Variants in SGCG observed in about 807,000 individuals in gnomAD.
The protein encoded by SGCG is sarcoglycan gamma, also known as gamma-sarcoglycan.
In SGCG, 26 loss-of-function variants were observed where a neutral mutation model predicts 29.3. The observed-to-expected ratio is 0.89, with a 90% CI of 0.65 to 1.23. The LOEUF (loss-of-function observed/expected upper bound fraction) is 1.23. SGCG is among the 50% of genes most tolerant of loss of function. The pLI is 0.00. For synonymous variants in SGCG, 145 were observed against 129.7 expected (o/e 1.12, Z -0.80); for missense variants, 353 against 356.0 (o/e 0.99, Z 0.07).
chr13:23,246,906 C>T (rs2094559), intron 3 of SGCG: 30,843 of 155,626 alleles, frequency 0.2, 3,233 homozygotes, highest in South Asian at 0.32. Flanking sequence ...CCTGTTGAGC[C>T]ACTTTCCCAA....
intron 5 of SGCG, among the ~76,000 whole-genome samples, chr13:23,286,364 G>A (rs1159851405): frequency 3.3e-5 from 5 of 152,178 alleles, no homozygotes; most frequent in Non-Finnish European, 5.9e-5. Context: ...AAAAGACCAG[G>A]AAAGTTAGAT....
chr13:23,303,510 C>G (rs927633422), intron 6 of SGCG, among the ~76,000 whole-genome samples: 2 of 152,212 alleles, frequency 1.3e-5, no homozygotes, highest in Admixed American at 1.3e-4. Context: ...GCACGGGAAC[C>G]TCTGGGAGTG....
rs181682857 is a variant in SGCG, at chr13:23,228,521, G to A, written c.196-6090G>A. ...GTTATATAGGTAAACTCATGACTTGGGCATTTGGTTTACAGATTATTTCGT... is the reference window on the plus strand; with the variant it reads ...GTTATATAGGTAAACTCATGACTTGAGCATTTGGTTTACAGATTATTTCGT... On this transcript the variant is annotated intron_variant, in intron 2 of 7. Coordinates refer to ENST00000218867, the MANE Select transcript of SGCG (RefSeq NM_000231.3). 1.3e-4 allele frequency among the ~76,000 whole-genome samples: 20 copies of A among 152,092 alleles called. No individual in the cohort carries two copies. The East Asian group carries it at 3.7e-3, about 28-fold the overall frequency.
intron 3 of SGCG, among the ~76,000 whole-genome samples, chr13:23,238,490 T>C (rs1879391341): frequency 6.6e-6 from 1 of 152,062 alleles, no homozygotes; most frequent in Non-Finnish European, 1.5e-5. Flanking sequence ...TTCCCACCAG[T>C]CAGAGTGGAA....
intron 6 of SGCG, among the ~76,000 whole-genome samples, chr13:23,312,295 T>C (rs1402098222): frequency 3.9e-5 from 6 of 152,216 alleles, no homozygotes; most frequent in African/African-American, 1.2e-4. Flanking sequence ...CACAAGATGC[T>C]CAATGCCAGC....
At chr13:23,276,758 A>C (rs35134570) in intron 4 of SGCG, among the ~76,000 whole-genome samples, 12,951 of 152,212 alleles carry the variant, frequency 0.085, 722 homozygotes, top group South Asian at 0.15. Flanking sequence ...CTTTCTTCCA[A>C]ATCAGTTGCA....
chr13:23,163,333 T>G, the SGCG span, among the ~76,000 whole-genome samples: 1 of 152,172 alleles, frequency 6.6e-6, no homozygotes, highest in South Asian at 2.1e-4. Flanking sequence ...AAGAAAAGGG[T>G]AAAATGATAC....
At chr13:23,212,877 C>A (rs908646282) in intron 2 of SGCG, among the ~76,000 whole-genome samples, 1 of 152,164 alleles carries the variant, frequency 6.6e-6, no homozygotes, top group African/African-American at 2.4e-5. Flanking sequence ...TCAGGGAATA[C>A]AGCATGAGTA....
chr13:23,194,685 C>A (rs1877415096), intron 1 of SGCG, among the ~76,000 whole-genome samples: 1 of 152,154 alleles, frequency 6.6e-6, no homozygotes, highest in Non-Finnish European at 1.5e-5. Context: ...TAATGGTATT[C>A]ACCATGTCTG....
At chr13:23,162,231 C>A in the SGCG span, among the ~76,000 whole-genome samples, 1 of 152,274 alleles carries the variant, frequency 6.6e-6, no homozygotes, top group East Asian at 1.9e-4. Flanking sequence ...CATATATACA[C>A]ACACTATTAC....
intron 6 of SGCG, among the ~76,000 whole-genome samples, chr13:23,314,238 T>G (rs1317388107): frequency 6.7e-6 from 1 of 149,700 alleles, no homozygotes; most frequent in Non-Finnish European, 1.5e-5. Flanking sequence ...CACAGTTGAT[T>G]GGTGTATTAG....
At chr13:23,223,514 A>T (rs1209398109) in intron 2 of SGCG, among the ~76,000 whole-genome samples, 1 of 152,218 alleles carries the variant, frequency 6.6e-6, no homozygotes, top group Non-Finnish European at 1.5e-5. Context: ...CAACAGTGAA[A>T]ATGTATATAT....
At chr13:23,276,431 C>CTTTTTTTTTTTTTTTTTTTTT (rs71100165) in intron 4 of SGCG, among the ~76,000 whole-genome samples, 40 of 102,382 alleles carry the variant, frequency 3.9e-4, no homozygotes, top group Non-Finnish European at 5.1e-4. Context: ...TTTTAGTTTT[C>CTTTTTTTTTTTTTTTTTTTTT]TTTTTTTTTT....
At chr13:23,212,396 T>C (rs1216230838) in intron 2 of SGCG, among the ~76,000 whole-genome samples, 4 of 152,122 alleles carry the variant, frequency 2.6e-5, no homozygotes. Flanking sequence ...ACCACAATTT[T>C]CTGGTTGTTA....
At chr13:23,258,186 A>G (rs936319210) in intron 4 of SGCG, among the ~76,000 whole-genome samples, 2 of 152,192 alleles carry the variant, frequency 1.3e-5, no homozygotes, top group African/African-American at 4.8e-5. Flanking sequence ...TGAGCATGGA[A>G]TGTTCTTCCA....
At chr13:23,260,900 G>T (rs1880407112) in intron 4 of SGCG, among the ~76,000 whole-genome samples, 1 of 152,144 alleles carries the variant, frequency 6.6e-6, no homozygotes, top group African/African-American at 2.4e-5. Context: ...TCTGCCAAGA[G>T]ATCTGCTCTT....
At chr13:23,307,381 G>A (rs1233023041) in intron 6 of SGCG, among the ~76,000 whole-genome samples, 1 of 151,992 alleles carries the variant, frequency 6.6e-6, no homozygotes, top group African/African-American at 2.4e-5. Context: ...CTTTTTTTCT[G>A]TGAAGTACAG....
At chr13:23,204,707 T>C (rs1388188903) in intron 2 of SGCG, among the ~76,000 whole-genome samples, 1 of 126,310 alleles carries the variant, frequency 7.9e-6, no homozygotes, top group Non-Finnish European at 1.6e-5. Context: ...CTTTCTTTCC[T>C]TTTTTTTTTT....
intron 4 of SGCG, among the ~76,000 whole-genome samples, chr13:23,253,894 A>C (rs1880072096): frequency 6.6e-6 from 1 of 152,194 alleles, no homozygotes; most frequent in African/African-American, 2.4e-5. Flanking sequence ...CACGTGATGC[A>C]CCTGCTCCTT....
Sources: allele counts gnomAD v4.1 joint callset (sites outside exome capture counted in the v4.1 genomes callset), GRCh38; gene constraint gnomAD v4.1.1; transcripts MANE v1.5; gene names NCBI Gene and HGNC (gene_info 2026-07-23, HGNC 2026-07-21).